The following EXOC6B variants were observed in gnomAD, a reference collection of about 807,000 sequenced individuals.
The protein encoded by EXOC6B is SEC15 homolog B.
A neutral mutation model predicts 113.5 loss-of-function variants in EXOC6B; 54 were observed. The observed-to-expected ratio is 0.48, with a 90% CI of 0.38 to 0.60. The LOEUF (loss-of-function observed/expected upper bound fraction) is 0.60, where lower values mean the gene tolerates loss of function less well. EXOC6B is among the 20% of genes least tolerant of loss of function. EXOC6B has a pLI of 0.00. For synonymous variants in EXOC6B, 357 were observed against 339.0 expected, an observed-to-expected ratio of 1.05 and a Z score of -0.58; for missense variants, 797 against 977.5, an observed-to-expected ratio of 0.82 and a Z score of 2.46.
intron 18 of EXOC6B, among the ~76,000 whole-genome samples, chr2:72,401,566 CATATAT>C (rs1383620831): frequency 1.3e-4 from 2 of 14,886 alleles, no homozygotes; most frequent in African/African-American, 3.3e-4. Flanking sequence ...TATATATATA[CATATAT>C]ATATATATAC....
intron 6 of EXOC6B, among the ~76,000 whole-genome samples, chr2:72,633,633 A>T (rs1056875534): frequency 2.0e-5 from 3 of 152,190 alleles, no homozygotes; most frequent in African/African-American, 7.2e-5. Flanking sequence ...GGTTTATCTA[A>T]ACATTAAATT....
At chr2:72,690,587 G>A (rs1197438647) in intron 6 of EXOC6B, among the ~76,000 whole-genome samples, 1 of 152,160 alleles carries the variant, frequency 6.6e-6, no homozygotes, top group Non-Finnish European at 1.5e-5. Flanking sequence ...AAATGCAGTA[G>A]TCTTTCTAAG....
chr2:72,253,296 A>C (rs184876158), intron 20 of EXOC6B, among the ~76,000 whole-genome samples: 1 of 152,322 alleles, frequency 6.6e-6, no homozygotes, highest in East Asian at 1.9e-4. Context: ...GTGATGTCTG[A>C]AAGAACTTAA....
chr2:72,763,724 C>T (rs1418711409), intron 1 of EXOC6B, among the ~76,000 whole-genome samples: 1 of 152,092 alleles, frequency 6.6e-6, no homozygotes, highest in Non-Finnish European at 1.5e-5. Flanking sequence ...ACACCCAGCC[C>T]AATTTGAACT....
chr2:72,671,473 T>A (rs537161805), intron 6 of EXOC6B, among the ~76,000 whole-genome samples: 1 of 152,112 alleles, frequency 6.6e-6, no homozygotes, highest in South Asian at 2.1e-4. Flanking sequence ...GGCGGGTGGA[T>A]CACCTGAGGT....
chr2:72,636,469 G>GA (rs949639398), intron 6 of EXOC6B, among the ~76,000 whole-genome samples: 1 of 149,050 alleles, frequency 6.7e-6, no homozygotes, highest in African/African-American at 2.5e-5. Context: ...GGAGGAGGAA[G>GA]AAAAAGATGA....
intron 21 of EXOC6B, among the ~76,000 whole-genome samples, chr2:72,180,603 T>G (rs1346759101): frequency 6.6e-6 from 1 of 152,150 alleles, no homozygotes; most frequent in Non-Finnish European, 1.5e-5. Context: ...CTGGGCTGTA[T>G]GGAGACAGGC....
intron 1 of EXOC6B, among the ~76,000 whole-genome samples, chr2:72,802,994 G>A (rs1229017770): frequency 1.3e-5 from 2 of 152,148 alleles, no homozygotes; most frequent in African/African-American, 4.8e-5. Flanking sequence ...AATTCAAAAC[G>A]TGGTGATCTG....
intron 6 of EXOC6B, among the ~76,000 whole-genome samples, chr2:72,697,109 TATAG>T (rs1375682527): frequency 1.5e-5 from 2 of 133,890 alleles, no homozygotes; most frequent in African/African-American, 5.8e-5. Context: ...TATATACAGA[TATAG>T]ATATAGATAT....
At chr2:72,323,777 C>A (rs1009709135) in intron 20 of EXOC6B, among the ~76,000 whole-genome samples, 1 of 148,760 alleles carries the variant, frequency 6.7e-6, no homozygotes, top group Non-Finnish European at 1.5e-5. Context: ...TAAGTGGGAG[C>A]TGAACAATGA....
At chr2:72,456,109 A>G (rs1462269281) in intron 18 of EXOC6B, among the ~76,000 whole-genome samples, 1 of 152,126 alleles carries the variant, frequency 6.6e-6, no homozygotes, top group African/African-American at 2.4e-5. Context: ...GAAAAAAGAA[A>G]TGGGATAATG....
rs543388440 is a variant in EXOC6B at position 72,300,720 on chromosome 2, G to A, written c.2196+34227C>T. On this transcript the variant is annotated intron_variant, in intron 20 of 21. Transcript: ENST00000272427. Reference sequence around the variant, plus strand: ...CATGGGAAAAGTGCAGTATCTGGCCGGAGTGCGAGTGCACCATTCCTCCGG... The same window carrying A: ...CATGGGAAAAGTGCAGTATCTGGCCAGAGTGCGAGTGCACCATTCCTCCGG... Among the ~76,000 whole-genome samples the A allele has an allele frequency of 5.3e-4, 80 of 152,278 alleles. 2 individuals carry two copies. In the South Asian group the frequency reaches 0.013, roughly 25 times the overall value.
intron 6 of EXOC6B, among the ~76,000 whole-genome samples, chr2:72,631,395 AGTGTGTGTATATGTGTGTGTGT>A (rs1287122308): frequency 1.5e-5 from 2 of 137,560 alleles, no homozygotes; most frequent in Non-Finnish European, 3.1e-5. Flanking sequence ...GTGATATAGT[AGTGTGTGTATATGTGTGTGTGT>A]GTGTGTGTGT....
chr2:72,528,988 G>C (rs1342960941), intron 8 of EXOC6B, among the ~76,000 whole-genome samples: 3 of 151,986 alleles, frequency 2.0e-5, no homozygotes, highest in Non-Finnish European at 4.4e-5. Context: ...CAGGTTATTT[G>C]CAAATAACAC....
At chr2:72,218,412 C>G (rs1680665776) in intron 20 of EXOC6B, among the ~76,000 whole-genome samples, 2 of 152,000 alleles carry the variant, frequency 1.3e-5, no homozygotes, top group Admixed American at 1.3e-4. Context: ...AATAAGGGTC[C>G]CAGAACATAA....
At chr2:72,191,474 A>G (rs537219481) in intron 20 of EXOC6B, among the ~76,000 whole-genome samples, 1 of 152,314 alleles carries the variant, frequency 6.6e-6, no homozygotes, top group South Asian at 2.1e-4. Context: ...ACACTCCCCA[A>G]GATGCCACAG....
intron 20 of EXOC6B, among the ~76,000 whole-genome samples, chr2:72,242,433 G>C (rs530501785): frequency 6.6e-6 from 1 of 152,264 alleles, no homozygotes; most frequent in Admixed American, 6.5e-5. Context: ...TTATTTGAAA[G>C]TAAACCTGGA....
intron 6 of EXOC6B, among the ~76,000 whole-genome samples, chr2:72,609,112 G>A (rs1262012281): frequency 2.0e-5 from 3 of 152,022 alleles, no homozygotes; most frequent in African/African-American, 4.8e-5. Flanking sequence ...TAGGAAGATC[G>A]AGATGGTACC....
chr2:72,693,314 C>A (rs1488377545), intron 6 of EXOC6B, among the ~76,000 whole-genome samples: 1 of 151,476 alleles, frequency 6.6e-6, no homozygotes, highest in Non-Finnish European at 1.5e-5. Context: ...GAGACGGAGT[C>A]TTTCTCTGTC....
Sources: gnomAD v4.1 joint callset for allele counts (sites outside exome capture counted in the v4.1 genomes callset) on GRCh38, gnomAD v4.1.1 for gene constraint, MANE v1.5 for transcripts, NCBI Gene and HGNC (gene_info 2026-07-23, HGNC 2026-07-21) for gene names.